The following STX18 variants were observed in gnomAD, a reference collection of about 807,000 sequenced individuals.
STX18 encodes syntaxin 18, also known as syntaxin-18.
Under a neutral mutation model 50.1 loss-of-function variants are expected in STX18, and 40 were observed. The observed-to-expected ratio is 0.80, with a 90% CI of 0.62 to 1.04. STX18 has a LOEUF of 1.04. STX18 is among the 50% of genes least tolerant of loss of function. The pLI, the probability that STX18 is intolerant of heterozygous loss-of-function variation, is 0.00. For synonymous variants in STX18, 158 were observed against 151.8 expected (o/e 1.04, Z -0.30); for missense variants, 410 against 415.8 (o/e 0.99, Z 0.12).
rs187387344 is a variant in STX18 at position 4,531,549 on chromosome 4, C to G, written c.168+10248G>C. Among the ~76,000 whole-genome samples, 26 of 152,286 alleles carry G rather than the reference C, an allele frequency of 1.7e-4. No homozygotes were observed. The East Asian group carries it at 3.3e-3, about 19-fold the overall frequency. On this transcript the variant is annotated intron_variant, in intron 1 of 10. Transcript: ENST00000306200. ...GGCTCTCGAGGCCTCTGTAATCAGGCCACAGCACCTCCCCGTTTCACACTG... is the reference window on the plus strand; with the variant it reads ...GGCTCTCGAGGCCTCTGTAATCAGGGCACAGCACCTCCCCGTTTCACACTG...
chr4:4,465,649 G>A (rs1727586131), intron 2 of STX18, among the ~76,000 whole-genome samples: 1 of 152,196 alleles, frequency 6.6e-6, no homozygotes, highest in Non-Finnish European at 1.5e-5. Context: ...AGGAAGAATA[G>A]CTAATGGATG....
intron 1 of STX18, among the ~76,000 whole-genome samples, chr4:4,508,623 C>T (rs1050588883): frequency 1.3e-5 from 2 of 152,056 alleles, no homozygotes; most frequent in African/African-American, 2.4e-5. Context: ...AAACATGTGC[C>T]GTGGTGGTTT....
At chr4:4,493,992 T>C (rs1470136836) in intron 1 of STX18, among the ~76,000 whole-genome samples, 1 of 152,226 alleles carries the variant, frequency 6.6e-6, no homozygotes, top group Non-Finnish European at 1.5e-5. Flanking sequence ...ACAAGGTAAA[T>C]ATATGTTATT....
chr4:4,440,973 T>A (rs1477993345), intron 5 of STX18, among the ~76,000 whole-genome samples: 1 of 152,206 alleles, frequency 6.6e-6, no homozygotes, highest in African/African-American at 2.4e-5. Context: ...TCTGAAGGGC[T>A]GACCAGGGCT....
chr4:4,503,972 A>G (rs1471385634), intron 1 of STX18, among the ~76,000 whole-genome samples: 1 of 152,144 alleles, frequency 6.6e-6, no homozygotes, highest in African/African-American at 2.4e-5. Context: ...ATAGATACAT[A>G]TGAGCGGTTA....
chr4:4,502,909 CCAACCCCACTATGCTG>C (rs1173917327), intron 1 of STX18, among the ~76,000 whole-genome samples: 3 of 152,164 alleles, frequency 2.0e-5, no homozygotes, highest in Non-Finnish European at 4.4e-5. Flanking sequence ...CTCACCAAAC[CCAACCCCACTATGCTG>C]CGCTGTCCCG....
At chr4:4,439,847 C>G (rs572058837) in intron 5 of STX18, among the ~76,000 whole-genome samples, 3 of 152,212 alleles carry the variant, frequency 2.0e-5, no homozygotes, top group African/African-American at 7.2e-5. Flanking sequence ...TCAATTTCAC[C>G]TACTCAGAGA....
chr4:4,539,265 T>C (rs760614198), intron 1 of STX18, among the ~76,000 whole-genome samples: 7 of 152,228 alleles, frequency 4.6e-5, no homozygotes, highest in South Asian at 2.1e-4. Context: ...CTATAACTTA[T>C]TACATTTCAT....
chr4:4,505,722 G>T (rs1039867128), intron 1 of STX18, among the ~76,000 whole-genome samples: 1 of 152,166 alleles, frequency 6.6e-6, no homozygotes, highest in African/African-American at 2.4e-5. Context: ...CTGGGAGGTG[G>T]AGGTTGCAGT....
intron 1 of STX18, chr4:4,499,498 A>C: frequency 2.0e-6 from 2 of 985,414 alleles, no homozygotes; most frequent in Non-Finnish European, 2.4e-6. Context: ...ATGCTTGCCC[A>C]CGTTGTACTG....
intron 1 of STX18, among the ~76,000 whole-genome samples, chr4:4,517,310 T>G (rs113366091): frequency 6.6e-6 from 1 of 152,320 alleles, no homozygotes; most frequent in East Asian, 1.9e-4. Context: ...ACTGTGATAC[T>G]AAATAGAAAC....
intron 1 of STX18, among the ~76,000 whole-genome samples, chr4:4,515,119 T>A (rs953124033): frequency 1.3e-5 from 2 of 152,088 alleles, no homozygotes; most frequent in African/African-American, 4.8e-5. Context: ...CTCTCCCCAA[T>A]GACAAAGTCC....
intron 1 of STX18, among the ~76,000 whole-genome samples, chr4:4,503,224 C>T (rs1028742581): frequency 1.3e-5 from 2 of 152,160 alleles, no homozygotes; most frequent in East Asian, 3.8e-4. Flanking sequence ...AATGAGGGTT[C>T]TCAGCTCTTA....
chr4:4,483,394 C>A (rs1040926406), intron 1 of STX18, among the ~76,000 whole-genome samples: 2 of 152,172 alleles, frequency 1.3e-5, no homozygotes, highest in African/African-American at 4.8e-5. Flanking sequence ...ACTTCTAGGA[C>A]TCTTACACCC....
At chr4:4,445,544 G>A (rs1330684917) in intron 5 of STX18, among the ~76,000 whole-genome samples, 6 of 151,730 alleles carry the variant, frequency 4.0e-5, no homozygotes, top group East Asian at 1.9e-4. Context: ...TACTAGCAAC[G>A]AGAAACTGGA....
chr4:4,475,662 T>C (rs1553842536), intron 1 of STX18, among the ~76,000 whole-genome samples: 7 of 152,270 alleles, frequency 4.6e-5, no homozygotes, highest in Non-Finnish European at 2.9e-5. Context: ...TATTTACTGT[T>C]AGACTCAGTC....
At chr4:4,533,508 T>C (rs965041455) in intron 1 of STX18, among the ~76,000 whole-genome samples, 13 of 152,248 alleles carry the variant, frequency 8.5e-5, no homozygotes, top group African/African-American at 2.9e-4. Context: ...TCCTGACCTA[T>C]AGCAGAAGCT....
chr4:4,484,678 C>T (rs560110054), intron 1 of STX18, among the ~76,000 whole-genome samples: 6 of 152,314 alleles, frequency 3.9e-5, no homozygotes, highest in South Asian at 4.1e-4. Flanking sequence ...AAAAACATCA[C>T]GGAGAGGCTT....
intron 2 of STX18, among the ~76,000 whole-genome samples, chr4:4,460,285 T>C (rs1271812052): frequency 1.3e-5 from 2 of 152,284 alleles, no homozygotes; most frequent in East Asian, 1.9e-4. Context: ...AAATCAGTAA[T>C]AAATACTTTT....
Sources: gnomAD v4.1 joint callset for allele counts (sites outside exome capture counted in the v4.1 genomes callset) on GRCh38, gnomAD v4.1.1 for gene constraint, MANE v1.5 for transcripts, NCBI Gene and HGNC (gene_info 2026-07-23, HGNC 2026-07-21) for gene names.